Variants in EYA2 observed in about 807,000 individuals in gnomAD.
EYA2 encodes the protein EYA transcriptional coactivator and phosphatase 2, also known as protein phosphatase EYA2.
Under a neutral mutation model 69.2 loss-of-function variants are expected in EYA2, and 31 were observed. That is an observed-to-expected ratio of 0.45 (90% confidence interval 0.34 to 0.60). The LOEUF is 0.60. Ranked by LOEUF, EYA2 falls within the 20% of genes least tolerant of loss-of-function variation. The pLI is 0.02. For missense variants in EYA2, 622 were observed against 701.2 expected (o/e 0.89, Z 1.28); for synonymous variants, 257 against 279.4 (o/e 0.92, Z 0.80).
intron 9 of EYA2, among the ~76,000 whole-genome samples, chr20:47,111,981 T>C (rs2032758069): frequency 1.3e-5 from 2 of 151,902 alleles, no homozygotes; most frequent in African/African-American, 4.8e-5. Context: ...AAAAATTTTT[T>C]TTTCAAAAAA....
At chr20:47,111,248 G>A (rs956038746) in intron 9 of EYA2, among the ~76,000 whole-genome samples, 14 of 152,186 alleles carry the variant, frequency 9.2e-5, no homozygotes, top group African/African-American at 2.2e-4. Flanking sequence ...TTACTCCAAC[G>A]GAAAACAAAA....
intron 1 of EYA2, chr20:46,901,387 A>G (rs1417479480): frequency 1.3e-5 from 2 of 152,112 alleles, no homozygotes; most frequent in African/African-American, 4.8e-5. Context: ...TGTTCCCACT[A>G]TGTTTTCTAG....
chr20:46,941,240 C>T (rs1484679820), intron 1 of EYA2, among the ~76,000 whole-genome samples: 1 of 152,246 alleles, frequency 6.6e-6, no homozygotes, highest in East Asian at 1.9e-4. Flanking sequence ...CCTATCACAT[C>T]TCTCCTCTGT....
intron 9 of EYA2, among the ~76,000 whole-genome samples, chr20:47,116,237 G>A (rs1056162224): frequency 6.9e-6 from 1 of 144,728 alleles, no homozygotes; most frequent in Non-Finnish European, 1.5e-5. Context: ...GAGTGCAGTG[G>A]TGCAATCTTG....
chr20:47,123,757 G>A (rs1033103310), intron 9 of EYA2, among the ~76,000 whole-genome samples: 5 of 152,162 alleles, frequency 3.3e-5, no homozygotes, highest in South Asian at 2.1e-4. Flanking sequence ...TTGGGAGGCC[G>A]AGGCAGGCAG....
intron 4 of EYA2, among the ~76,000 whole-genome samples, chr20:47,009,348 A>G (rs933155911): frequency 2.0e-5 from 3 of 152,196 alleles, no homozygotes; most frequent in Non-Finnish European, 4.4e-5. Flanking sequence ...AACTTTTTAC[A>G]TTGCTCCTTG....
chr20:46,962,622 T>G (rs1979540845), intron 1 of EYA2, among the ~76,000 whole-genome samples: 1 of 152,202 alleles, frequency 6.6e-6, no homozygotes. Flanking sequence ...CACAGTGAGA[T>G]CATATGTCGC....
In EYA2 at chr20:46,908,870, C is replaced by CTTTTTTTTTTTTTTTTTTTTTTT. The variant is rs56834738; in HGVS notation, c.-11+13898_-11+13920dup. ...AAAGGCACTAAGCCTCTCTCCCGCA[C>CTTTTTTTTTTTTTTTTTTTTTTT]TTTTTTTTTTTTTTTTTTTTTTTTT... On this transcript the variant is annotated intron_variant, in intron 1 of 15. Transcript: ENST00000327619. Among the ~76,000 whole-genome samples the CTTTTTTTTTTTTTTTTTTTTTTT allele has an allele frequency of 4.2e-5, 2 of 47,582 alleles. 1 individual carries two copies. The highest frequency in any genetic ancestry group is 1.7e-4 in the African/African-American group (2 of 11,476). The allele number at this position is 47,582 out of a possible 152,430, so 31.2% of individuals were successfully genotyped here. A position where few individuals can be genotyped will look rare whatever the true frequency, so the allele number is the denominator to read the frequency against.
At chr20:47,170,670 A>G (rs902390473) in intron 11 of EYA2, among the ~76,000 whole-genome samples, 23 of 151,778 alleles carry the variant, frequency 1.5e-4, no homozygotes, top group African/African-American at 5.6e-4. Context: ...AAAGAGAGAC[A>G]GCTTCCAGAG....
intron 9 of EYA2, among the ~76,000 whole-genome samples, chr20:47,104,341 G>T (rs1022663854): frequency 6.6e-6 from 1 of 152,128 alleles, no homozygotes; most frequent in Non-Finnish European, 1.5e-5. Flanking sequence ...TCTATTATCA[G>T]ATATGTGATT....
intron 9 of EYA2, among the ~76,000 whole-genome samples, chr20:47,106,551 G>A (rs188887492): frequency 4.6e-5 from 7 of 152,152 alleles, no homozygotes; most frequent in Admixed American, 3.3e-4. Flanking sequence ...ATGGACCCAC[G>A]AGTCCTCTGT....
At chr20:46,975,083 G>C (rs1000485897) in intron 1 of EYA2, among the ~76,000 whole-genome samples, 4 of 151,946 alleles carry the variant, frequency 2.6e-5, no homozygotes, top group Non-Finnish European at 2.9e-5. Flanking sequence ...AGGAGTTAAG[G>C]GTTTTGGGTC....
chr20:47,002,975 G>A (rs1438746388), intron 3 of EYA2, among the ~76,000 whole-genome samples: 1 of 152,212 alleles, frequency 6.6e-6, no homozygotes, highest in Non-Finnish European at 1.5e-5. Context: ...CCTGCTGTGA[G>A]GCCTCAGGTG....
chr20:47,004,695 A>C (rs993803416), intron 3 of EYA2, among the ~76,000 whole-genome samples: 1 of 152,160 alleles, frequency 6.6e-6, no homozygotes. Flanking sequence ...GGCTTACAGC[A>C]TATCTGCTTA....
chr20:47,037,500 T>G (rs1984789262), intron 5 of EYA2, among the ~76,000 whole-genome samples: 1 of 152,254 alleles, frequency 6.6e-6, no homozygotes. Flanking sequence ...ACAAACTTCG[T>G]GGCTTAAAAC....
At chr20:47,081,439 T>C (rs1600694759) in intron 7 of EYA2, among the ~76,000 whole-genome samples, 1 of 148,132 alleles carries the variant, frequency 6.8e-6, no homozygotes, top group South Asian at 2.2e-4. Flanking sequence ...TTTTTATTTG[T>C]CCAGTTAACA....
intron 1 of EYA2, among the ~76,000 whole-genome samples, chr20:46,925,979 A>G (rs1042620458): frequency 3.3e-5 from 5 of 152,350 alleles, no homozygotes; most frequent in Non-Finnish European, 7.3e-5. Context: ...ATGCAGCTGT[A>G]AAACAAAATG....
At chr20:47,023,313 G>A (rs906141780) in intron 5 of EYA2, among the ~76,000 whole-genome samples, 3 of 152,154 alleles carry the variant, frequency 2.0e-5, no homozygotes, top group Non-Finnish European at 2.9e-5. Flanking sequence ...AGTATAACTC[G>A]GAAGTTGCAT....
At chr20:46,932,376 G>A (rs993121260) in intron 1 of EYA2, among the ~76,000 whole-genome samples, 32 of 152,210 alleles carry the variant, frequency 2.1e-4, no homozygotes, top group African/African-American at 7.2e-4. Context: ...AAGGATGTGG[G>A]CTCTGGAATA....
Sources: allele counts gnomAD v4.1 joint callset (sites outside exome capture counted in the v4.1 genomes callset), GRCh38; gene constraint gnomAD v4.1.1; transcripts MANE v1.5; gene names NCBI Gene and HGNC (gene_info 2026-07-23, HGNC 2026-07-21).